SUPT3H: variants seen among roughly 807,000 people sequenced by gnomAD.
SUPT3H encodes the protein SPT3 homolog, SAGA and STAGA complex component.
In SUPT3H, 44 loss-of-function variants were observed where a neutral mutation model predicts 44.3. The observed-to-expected ratio is 0.99, with a 90% CI of 0.78 to 1.28. SUPT3H has a LOEUF of 1.28. SUPT3H is among the 50% of genes most tolerant of loss of function. The pLI is 0.00. For synonymous variants in SUPT3H, 124 were observed against 125.6 expected (o/e 0.99, Z 0.09); for missense variants, 380 against 387.1 (o/e 0.98, Z 0.15).
At chr6:44,881,756 G>T (rs1181845908) in intron 10 of SUPT3H, among the ~76,000 whole-genome samples, 1 of 152,112 alleles carries the variant, frequency 6.6e-6, no homozygotes, top group Non-Finnish European at 1.5e-5. Context: ...CAGCTACATA[G>T]AAACTGAACA....
chr6:44,835,084 T>G (rs1240810688), intron 10 of SUPT3H, among the ~76,000 whole-genome samples: 3 of 152,226 alleles, frequency 2.0e-5, no homozygotes, highest in East Asian at 3.9e-4. Context: ...AAGATAGATA[T>G]ACATAGCTGA....
At chr6:45,358,821 T>C (rs751154158) in intron 2 of SUPT3H, among the ~76,000 whole-genome samples, 4 of 152,168 alleles carry the variant, frequency 2.6e-5, no homozygotes, top group Middle Eastern at 3.4e-3. Flanking sequence ...GAATATTCAC[T>C]CTAAAAATAA....
At chr6:45,285,039 A>T (rs1219485756) in intron 2 of SUPT3H, among the ~76,000 whole-genome samples, 2 of 152,010 alleles carry the variant, frequency 1.3e-5, no homozygotes, top group Admixed American at 1.3e-4. Context: ...AGAAAATTCA[A>T]CAGCCCTTCA....
At chr6:45,345,459 G>A (rs1470007863) in intron 2 of SUPT3H, among the ~76,000 whole-genome samples, 4 of 151,922 alleles carry the variant, frequency 2.6e-5, no homozygotes, top group Non-Finnish European at 5.9e-5. Flanking sequence ...AATTATGATA[G>A]ACTCCTCAAC....
At chr6:44,882,446 T>C (rs1778401590) in intron 10 of SUPT3H, among the ~76,000 whole-genome samples, 1 of 152,212 alleles carries the variant, frequency 6.6e-6, no homozygotes, top group Admixed American at 6.5e-5. Context: ...AGCCGAATTC[T>C]ACCAGAGGTA....
At chr6:45,362,909 A>C (rs1397374562) in intron 2 of SUPT3H, among the ~76,000 whole-genome samples, 27 of 152,140 alleles carry the variant, frequency 1.8e-4, no homozygotes, top group Non-Finnish European at 8.8e-5. Context: ...TATAAATAAC[A>C]AAAGAATATA....
At chr6:44,814,024 T>A (rs572139138) in intron 11 of SUPT3H, among the ~76,000 whole-genome samples, 3 of 152,196 alleles carry the variant, frequency 2.0e-5, no homozygotes, top group African/African-American at 7.2e-5. Context: ...GAAAACTACA[T>A]GTAGGCATGT....
intron 10 of SUPT3H, among the ~76,000 whole-genome samples, chr6:44,849,328 G>A (rs1012264970): frequency 4.9e-5 from 7 of 143,152 alleles, no homozygotes; most frequent in Non-Finnish European, 7.5e-5. Flanking sequence ...CCGGGTTCAC[G>A]CCATTCTCCT....
At chr6:45,056,493 A>AG (rs1175249348) in intron 3 of SUPT3H, among the ~76,000 whole-genome samples, 1 of 152,238 alleles carries the variant, frequency 6.6e-6, no homozygotes, top group African/African-American at 2.4e-5. Flanking sequence ...AATACTCCTC[A>AG]GCCATAAAAA....
chr6:44,984,624 T>C (rs182006205), intron 6 of SUPT3H, among the ~76,000 whole-genome samples: 4 of 152,274 alleles, frequency 2.6e-5, no homozygotes, highest in African/African-American at 4.8e-5. Context: ...CTGTCACCAA[T>C]TGCAGGAAGA....
intron 10 of SUPT3H, among the ~76,000 whole-genome samples, chr6:44,836,821 A>G (rs893431959): frequency 6.6e-6 from 1 of 152,184 alleles, no homozygotes; most frequent in Admixed American, 6.5e-5. Context: ...ATCTTCAGCA[A>G]TTTTATGAGA....
At chr6:45,021,602 G>T (rs991283197) in intron 3 of SUPT3H, among the ~76,000 whole-genome samples, 14 of 151,850 alleles carry the variant, frequency 9.2e-5, no homozygotes, top group African/African-American at 3.4e-4. Context: ...ACATATAAAA[G>T]CTGTTCCTGA....
intron 2 of SUPT3H, among the ~76,000 whole-genome samples, chr6:45,164,163 A>G (rs184086554): frequency 2.0e-5 from 3 of 152,262 alleles, no homozygotes; most frequent in East Asian, 1.9e-4. Flanking sequence ...AGTGCAGTGT[A>G]GTTCAAGTAG....
rs775386409 is a variant in SUPT3H at position 45,030,630 on chromosome 6, T to G, written c.187-9998A>C. Among the ~76,000 whole-genome samples the G allele has an allele frequency of 1.1e-3, 169 of 152,290 alleles. 2 individuals carry two copies. The highest frequency in any genetic ancestry group is 0.01 in the Middle Eastern group (3 of 294). ...GATCAGGGTACTAAAAGCACTGAAT[T>G]ACACCAGACCACACACAGGCCAATG... On this transcript the variant is annotated intron_variant, in intron 3 of 10. Coordinates refer to ENST00000371459, the MANE Select transcript of SUPT3H (RefSeq NM_003599.4).
chr6:45,238,989 T>C (rs1173836558), intron 2 of SUPT3H, among the ~76,000 whole-genome samples: 1 of 152,218 alleles, frequency 6.6e-6, no homozygotes, highest in African/African-American at 2.4e-5. Flanking sequence ...AGAATGTTTT[T>C]ACAGATGGGT....
chr6:45,175,194 T>C (rs962399867), intron 2 of SUPT3H, among the ~76,000 whole-genome samples: 3 of 151,754 alleles, frequency 2.0e-5, no homozygotes, highest in Non-Finnish European at 2.9e-5. Context: ...TGTGTGTGTG[T>C]GCACATATAA....
intron 2 of SUPT3H, among the ~76,000 whole-genome samples, chr6:45,226,751 G>C (rs914072942): frequency 2.0e-5 from 3 of 152,096 alleles, no homozygotes; most frequent in Non-Finnish European, 4.4e-5. Context: ...GGCTGGTCTC[G>C]AACTCCTGAC....
chr6:45,352,273 A>G (rs1792229133), intron 2 of SUPT3H, among the ~76,000 whole-genome samples: 1 of 152,130 alleles, frequency 6.6e-6, no homozygotes, highest in South Asian at 2.1e-4. Context: ...AAAAATATGA[A>G]CCAAGGAGTA....
At chr6:45,075,083 G>C (rs192780347) in intron 3 of SUPT3H, among the ~76,000 whole-genome samples, 5 of 152,138 alleles carry the variant, frequency 3.3e-5, no homozygotes, top group African/African-American at 1.2e-4. Context: ...TCAATTCTCA[G>C]AGACTAACAT....
Sources: allele counts gnomAD v4.1 joint callset (sites outside exome capture counted in the v4.1 genomes callset), GRCh38; gene constraint gnomAD v4.1.1; transcripts MANE v1.5; gene names NCBI Gene and HGNC (gene_info 2026-07-23, HGNC 2026-07-21).